Variants in VSIG10L2 observed in about 807,000 individuals in gnomAD.
VSIG10L2 encodes V-set and immunoglobulin domain containing 10 like 2, also known as V-set and immunoglobulin domain-containing protein 10-like 2.
In VSIG10L2, 56 loss-of-function variants were observed where a neutral mutation model predicts 67.1. The ratio of observed to expected loss-of-function variants is 0.83; its 90% CI spans 0.67 to 1.04. The LOEUF (loss-of-function observed/expected upper bound fraction) is 1.04, where lower values mean the gene tolerates loss of function less well. Ranked by LOEUF, VSIG10L2 falls within the 50% of genes least tolerant of loss-of-function variation. The probability of loss-of-function intolerance (pLI) is 0.00; values close to 1 mark genes in which losing one functional copy is unlikely to be tolerated. For missense variants in VSIG10L2, 843 were observed against 932.8 expected (o/e 0.90, Z 1.25); for synonymous variants, 360 against 396.6 (o/e 0.91, Z 1.10).
In VSIG10L2 at chr11:125,950,474, TGGGAAGGGGAAG is replaced by T. The variant is rs369868883; in HGVS notation, c.985+200_985+211del. On this transcript the variant is annotated intron_variant, in intron 4 of 11. Transcript: ENST00000686984. Reference sequence around the variant, plus strand: ...GCAGGGAAAGAGGAGAAGAAAACTGTGGGAAGGGGAAGGGGAAGGGGAAGGGAGGGGGAAGCT... The same window carrying T: ...GCAGGGAAAGAGGAGAAGAAAACTGTGGGAAGGGGAAGGGAGGGGGAAGCT... Among the ~76,000 whole-genome samples, 36 of 148,550 alleles carry T rather than the reference TGGGAAGGGGAAG, an allele frequency of 2.4e-4. No individual in the cohort carries two copies. In the South Asian group the frequency reaches 4.3e-3, roughly 18 times the overall value.
In VSIG10L2 at chr11:125,948,482, T is replaced by G; in HGVS notation, c.611T>G (p.Leu204Arg). The G allele has an allele frequency of 8.1e-7, 1 of 1,232,286 alleles. No individual in the cohort carries two copies. The highest frequency in any genetic ancestry group is 1.0e-6 in the Non-Finnish European group (1 of 988,038). 76.3% of individuals were successfully genotyped at this position (1,232,286 alleles called of 1,614,324 possible). Residue 204 changes from leucine (L) to arginine (R), a missense_variant, in exon 3 of 12, where the codon CTG (leucine) becomes CGG (arginine). Leu to Arg is a moderately radical substitution (Grantham distance 102). This residue lies in a region of VSIG10L2 where 446 missense variants were observed against 548.4 expected (regional missense o/e 0.81). Coordinates refer to ENST00000686984, the MANE Select transcript of VSIG10L2 (RefSeq NM_001365077.2). Reference protein sequence around the residue: ...LVGVTEPLFQLDPVNRTHLGW... With the variant: ...LVGVTEPLFQRDPVNRTHLGW... ...GGGGTCACTGAGCCACTATTCCAGC[T>G]GGACCCTGTCAACCGGACACACCTA... is the stretch of plus-strand genomic sequence containing the variant.
intron 8 of VSIG10L2, among the ~76,000 whole-genome samples, 196 bp downstream of exon 8, chr11:125,954,579 G>A (rs1277801477): frequency 3.9e-5 from 6 of 152,098 alleles, no homozygotes; most frequent in Non-Finnish European, 5.9e-5. Context: ...CCCTCCCTGG[G>A]GGGCTTGGGA....
chr11:125,950,019 C>A lies in VSIG10L2; in HGVS notation c.715C>A (p.Pro239Thr). ...DGAFLDVIYG[P>T]DKPVITMEPL... ...TGGCCTTCCTTGCTCTCCAGATGGT[C>A]CTGACAAGCCTGTGATCACCATGGA... The change falls in exon 4 of 12, where the codon CCT becomes ACT. Residue 239 changes from proline (P) to threonine (T), a missense_variant. Around this residue, in one of 2 missense-constraint regions of VSIG10L2, gnomAD observed 446 missense variants for 548.4 expected, o/e 0.81. Coordinates refer to ENST00000686984, the MANE Select transcript of VSIG10L2 (RefSeq NM_001365077.2). 8.1e-7 allele frequency: 1 copy of A among 1,232,330 alleles called. No individual in the cohort carries two copies. Among genetic ancestry groups the A allele is most frequent in the South Asian group, 4.1e-5 (1 of 24,306 alleles). The allele number at this position is 1,232,330 out of a possible 1,614,324, so 76.3% of individuals were successfully genotyped here.
At chr11:125,949,854 G>A (rs1038473268) in intron 3 of VSIG10L2, among the ~76,000 whole-genome samples, 160 bp from the exon 4 acceptor site, 2 of 152,170 alleles carry the variant, frequency 1.3e-5, no homozygotes, top group South Asian at 4.1e-4. Flanking sequence ...TGTGCCCATG[G>A]CCCCTGGACT....
chr11:125,948,872 C>T (rs1310625298), intron 3 of VSIG10L2, among the ~76,000 whole-genome samples: 1 of 152,246 alleles, frequency 6.6e-6, no homozygotes, highest in Non-Finnish European at 1.5e-5. Flanking sequence ...GAGAGTCTGC[C>T]TTTAGGTTGA....
chr11:125,954,353 GCAGGAC>G lies in VSIG10L2; in HGVS notation c.2054_2059del (p.Ala685_His687delinsAsp). ...CATCCTGGCTCTGAATCACCACACT[GCAGGAC>G]ATCCCTCTGAGGTGAAGATACCAGG... On this transcript the variant is annotated inframe_deletion, in exon 8 of 12. Transcript: ENST00000686984. 2 of 1,232,188 alleles carry G rather than the reference GCAGGAC, an allele frequency of 1.6e-6. No individual in the cohort carries two copies. Among genetic ancestry groups the G allele is most frequent in the Non-Finnish European group, 2.0e-6 (2 of 988,032 alleles). The allele number at this position is 1,232,188 out of a possible 1,614,324, so 76.3% of individuals were successfully genotyped here. A position where few individuals can be genotyped will look rare whatever the true frequency, so the allele number is the denominator to read the frequency against.
chr11:125,954,001 G>C (rs1945415213), intron 7 of VSIG10L2, 86 bp from the exon 8 acceptor site: 1 of 1,133,914 alleles, frequency 8.8e-7, no homozygotes. Flanking sequence ...CTGCCAGGCT[G>C]TCTCTTGACA....
chr11:125,950,502 G>C (rs1291826826), intron 4 of VSIG10L2, among the ~76,000 whole-genome samples: 1 of 151,504 alleles, frequency 6.6e-6, no homozygotes, highest in Admixed American at 6.6e-5. Flanking sequence ...GGGGAAGGGA[G>C]GGGGAAGCTA....
Position 125,946,390 on chromosome 11 carries a change from C to G in VSIG10L2, c.82+253C>G, listed in dbSNP as rs973304407. The stretch of plus-strand genomic sequence containing the variant: ...GTGGTAAGCCTAGGAGTGGTATGGT[C>G]AGATCCAGGTTTCAGAAAGCTCCCT... On this transcript the variant is annotated intron_variant, in intron 1 of 11. Transcript: ENST00000686984. The surrounding 1 kb of genome is among the most constrained non-coding windows in gnomAD (Gnocchi z 4.4). 6.6e-6 allele frequency among the ~76,000 whole-genome samples: 1 copy of G among 152,170 alleles called. No homozygotes were observed. Among genetic ancestry groups the G allele is most frequent in the African/African-American group, 2.4e-5 (1 of 41,444 alleles).
In VSIG10L2 at chr11:125,948,319, C is replaced by A; in HGVS notation, c.448C>A (p.Pro150Thr). The change falls in exon 3 of 12, where the codon CCT becomes ACT. Residue 150 changes from proline (P) to threonine (T), a missense_variant. Coordinates refer to ENST00000686984, the MANE Select transcript of VSIG10L2 (RefSeq NM_001365077.2). ...TLAVLVPVSK[P>T]QVRLSNPSPV... ...CCTCTGGCCAGTGCCGGTGTCCAAG[C>A]CTCAAGTGCGACTGAGTAACCCGTC... 2 of 1,232,628 alleles carry A rather than the reference C, an allele frequency of 1.6e-6. No individual in the cohort carries two copies. Among genetic ancestry groups the A allele is most frequent in the Non-Finnish European group, 2.0e-6 (2 of 988,356 alleles). The allele number at this position is 1,232,628 out of a possible 1,614,324, so 76.4% of individuals were successfully genotyped here.
rs1945452398 is a variant in VSIG10L2 at position 125,955,544 on chromosome 11, T to C, written c.2231+38T>C. The C allele has an allele frequency of 1.0e-5, 14 of 1,355,342 alleles. No individual in the cohort carries two copies. In the Admixed American group the frequency reaches 2.8e-4, roughly 27 times the overall value. The allele number at this position is 1,355,342 out of a possible 1,614,324, so 84.0% of individuals were successfully genotyped here. On this transcript the variant is annotated intron_variant, in intron 10 of 11. Coordinates refer to ENST00000686984, the MANE Select transcript of VSIG10L2 (RefSeq NM_001365077.2). ...CCCCAGTCATCCTGGGGGCCAGGGC[T>C]TTCCTCCAGTTGGAAAGGAAAGCGA...
At position 125,955,839 on chromosome 11, in the gene VSIG10L2, C is replaced by T. The variant is rs903803694; in HGVS notation, c.2307C>T (p.Thr769=). The change falls in exon 12 of 12, where the codon ACC becomes ACT. Residue 769 remains threonine (T), a synonymous_variant. Transcript: ENST00000686984. The part of the protein sequence containing the change: ...APAGLETPTT[T]PGLDPAQETT... ...TAGGCCTTGAAACACCAACCACCAC[C>T]CCAGGTTTGGATCCTGCACAAGAAA... 2.8e-6 allele frequency: 2 copies of T among 713,464 alleles called. No individual in the cohort carries two copies. The highest frequency in any genetic ancestry group is 1.7e-5 in the African/African-American group (1 of 57,456). 44.2% of individuals were successfully genotyped at this position (713,464 alleles called of 1,614,324 possible).
Position 125,953,489 on chromosome 11 carries a change from C to T in VSIG10L2, c.1585C>T (p.Pro529Ser), listed in dbSNP as rs1945406280. 8.1e-7 allele frequency: 1 copy of T among 1,232,320 alleles called. No homozygotes were observed. Among genetic ancestry groups the T allele is most frequent in the South Asian group, 4.1e-5 (1 of 24,320 alleles). 76.3% of individuals were successfully genotyped at this position (1,232,320 alleles called of 1,614,324 possible). ...GGAGTGCTCTCTCCGCGGGGGCACA[C>T]CACCTGCCCAGCTCCTCTGGCTGGG... ...WLECSLRGGT[P>S]PAQLLWLGPQ... The change falls in exon 7 of 12, where the codon CCA becomes TCA. Residue 529 changes from proline to serine, a missense_variant. Pro to Ser is a moderately conservative substitution (Grantham distance 74). Around this residue, in one of 2 missense-constraint regions of VSIG10L2, gnomAD observed 397 missense variants for 384.4 expected, o/e 1.03. Coordinates refer to ENST00000686984, the MANE Select transcript of VSIG10L2 (RefSeq NM_001365077.2).
chr11:125,955,852 C>A lies in VSIG10L2; in HGVS notation c.2320C>A (p.Pro774Thr). The A allele has an allele frequency of 2.8e-6, 2 of 703,186 alleles. No individual in the cohort carries two copies. Among genetic ancestry groups the A allele is most frequent in the South Asian group, 1.5e-5 (1 of 66,004 alleles). The allele number at this position is 703,186 out of a possible 1,614,324, so 43.6% of individuals were successfully genotyped here. A position where few individuals can be genotyped will look rare whatever the true frequency, so the allele number is the denominator to read the frequency against. Residue 774 changes from proline to threonine, a missense_variant, in exon 12 of 12, where the codon CCT becomes ACT. Physicochemically the swap from Pro to Thr is conservative, Grantham distance 38. Coordinates refer to ENST00000686984, the MANE Select transcript of VSIG10L2 (RefSeq NM_001365077.2). ...ETPTTTPGLDPAQETTDSPVN... is the reference protein window; with the variant it reads ...ETPTTTPGLDTAQETTDSPVN... ...ACCAACCACCACCCCAGGTTTGGAT[C>A]CTGCACAAGAAACCACGGATTCTCC...
At chr11:125,954,530 CCA>C (rs1945424714) in intron 8 of VSIG10L2, 147 bp downstream of exon 8, 2 of 635,010 alleles carry the variant, frequency 3.1e-6, no homozygotes, top group East Asian at 3.4e-5. Flanking sequence ...TCCTCTCTCT[CCA>C]CTCTCCCCTC....
chr11:125,950,762 C>A (rs2134304049), intron 4 of VSIG10L2, 148 bp from the exon 5 acceptor site: 2 of 737,646 alleles, frequency 2.7e-6, no homozygotes, highest in Non-Finnish European at 1.9e-6. Flanking sequence ...ACCAGCCCCT[C>A]AGAGAGACTC....
intron 3 of VSIG10L2, among the ~76,000 whole-genome samples, chr11:125,949,543 G>A (rs1484780180): frequency 6.6e-6 from 1 of 152,216 alleles, no homozygotes; most frequent in Non-Finnish European, 1.5e-5. Context: ...GTCAGGGAGA[G>A]CTTCGAAGAT....
chr11:125,952,160 C>T (rs1033344190), intron 6 of VSIG10L2, 87 bp downstream of exon 6: 3 of 1,437,116 alleles, frequency 2.1e-6, no homozygotes, highest in South Asian at 1.4e-5. Context: ...TAGGGGGTGG[C>T]TGTGCTGGCA....
chr11:125,955,602 A>G lies in VSIG10L2; in HGVS notation c.2232-13A>G. 6.5e-7 allele frequency: 1 copy of G among 1,527,906 alleles called. No homozygotes were observed. Among genetic ancestry groups the G allele is most frequent in the Non-Finnish European group, 8.8e-7 (1 of 1,142,302 alleles). The allele number at this position is 1,527,906 out of a possible 1,614,324, so 94.6% of individuals were successfully genotyped here. On this transcript the variant is annotated splice_polypyrimidine_tract_variant and intron_variant, in intron 10 of 11. Coordinates refer to ENST00000686984, the MANE Select transcript of VSIG10L2 (RefSeq NM_001365077.2). ...GAGTTGCCACTAACTTTACTCTCCC[A>G]CTTCACTCTCAGGGAGCAAAGGCAC... is the stretch of plus-strand genomic sequence containing the variant.
Sources: allele counts gnomAD v4.1 joint callset (sites outside exome capture counted in the v4.1 genomes callset), GRCh38; gene constraint gnomAD v4.1.1; regional missense constraint gnomAD v4.1.1; non-coding constraint Gnocchi (gnomAD v3.1); transcripts MANE v1.5; gene names NCBI Gene and HGNC (gene_info 2026-07-23, HGNC 2026-07-21).